Variants in SEMA6D observed in about 807,000 individuals in gnomAD.
SEMA6D encodes the protein semaphorin-6D.
In SEMA6D, 35 loss-of-function variants were observed where a neutral mutation model predicts 106.6. The observed-to-expected ratio is 0.33, with a 90% CI of 0.25 to 0.44. The LOEUF is 0.44. SEMA6D is among the 20% of genes least tolerant of loss of function. The pLI is 1.00. For missense variants in SEMA6D, 1,185 were observed against 1,345.9 expected (o/e 0.88, Z 1.87); for synonymous variants, 499 against 487.7 (o/e 1.02, Z -0.31).
intron 1 of SEMA6D, among the ~76,000 whole-genome samples, chr15:47,406,840 T>C (rs987545276): frequency 6.6e-6 from 1 of 151,908 alleles, no homozygotes; most frequent in Non-Finnish European, 1.5e-5. Context: ...GTTAATTAGC[T>C]TGATTGTGGT....
At chr15:47,683,789 T>C (rs1667032647) in intron 4 of SEMA6D, among the ~76,000 whole-genome samples, 1 of 152,230 alleles carries the variant, frequency 6.6e-6, no homozygotes, top group African/African-American at 2.4e-5. Context: ...AGTCCAGGCA[T>C]TGAGGCCATG....
chr15:47,654,115 G>T (rs565545320), intron 4 of SEMA6D, among the ~76,000 whole-genome samples: 1 of 152,274 alleles, frequency 6.6e-6, no homozygotes, highest in Admixed American at 6.5e-5. Context: ...GAAGAAAGAA[G>T]GGATGATGAT....
At chr15:47,346,998 T>G (rs1467108025) in intron 1 of SEMA6D, among the ~76,000 whole-genome samples, 1 of 152,030 alleles carries the variant, frequency 6.6e-6, no homozygotes, top group Non-Finnish European at 1.5e-5. Context: ...AACTTCCCCC[T>G]CCCGGGTTCA....
intron 3 of SEMA6D, among the ~76,000 whole-genome samples, chr15:47,595,730 A>G (rs1460208715): frequency 6.6e-6 from 1 of 152,096 alleles, no homozygotes; most frequent in Non-Finnish European, 1.5e-5. Context: ...AGAAAATTTT[A>G]TTGTTGATTC....
intron 1 of SEMA6D, among the ~76,000 whole-genome samples, chr15:47,199,570 C>A (rs1409246931): frequency 6.6e-6 from 1 of 152,092 alleles, no homozygotes; most frequent in Non-Finnish European, 1.5e-5. Context: ...TGTGATATTT[C>A]TGCAATTCCT....
intron 3 of SEMA6D, among the ~76,000 whole-genome samples, chr15:47,476,196 G>C (rs1782555877): frequency 6.6e-6 from 1 of 152,162 alleles, no homozygotes; most frequent in Non-Finnish European, 1.5e-5. Flanking sequence ...AGAATGCTGG[G>C]AATTAGTTGA....
chr15:47,348,716 CACCACACA>C (rs1383285589), intron 1 of SEMA6D, among the ~76,000 whole-genome samples: 4 of 43,808 alleles, frequency 9.1e-5, no homozygotes, highest in African/African-American at 3.1e-4. Context: ...CACACACACA[CACCACACA>C]CACAGAGAGA....
At chr15:47,185,150 A>G (rs1272978377) in intron 1 of SEMA6D, among the ~76,000 whole-genome samples, 2 of 152,148 alleles carry the variant, frequency 1.3e-5, no homozygotes, top group African/African-American at 2.4e-5. Flanking sequence ...GCTGAGCGAC[A>G]CAGACACCGC....
chr15:47,286,590 C>T (rs991417469), intron 1 of SEMA6D, among the ~76,000 whole-genome samples: 1 of 151,968 alleles, frequency 6.6e-6, no homozygotes, highest in Non-Finnish European at 1.5e-5. Flanking sequence ...CAGCTAGATT[C>T]TAATATCTTC....
At chr15:47,394,175 A>T (rs1239001053) in intron 1 of SEMA6D, among the ~76,000 whole-genome samples, 1 of 152,178 alleles carries the variant, frequency 6.6e-6, no homozygotes, top group Non-Finnish European at 1.5e-5. Context: ...TTCTTGGTCT[A>T]TCATAGTCCA....
At chr15:47,566,029 A>T (rs2046221017) in intron 3 of SEMA6D, among the ~76,000 whole-genome samples, 1 of 152,230 alleles carries the variant, frequency 6.6e-6, no homozygotes, top group Non-Finnish European at 1.5e-5. Flanking sequence ...ATACAGGGAT[A>T]TAGGCCTTCA....
At chr15:47,271,666 G>A (rs2034568439) in intron 1 of SEMA6D, among the ~76,000 whole-genome samples, 1 of 152,034 alleles carries the variant, frequency 6.6e-6, no homozygotes, top group Non-Finnish European at 1.5e-5. Context: ...GAGAATTGGT[G>A]GCAAAGGTCA....
chr15:47,311,210 C>T (rs1436481253), intron 1 of SEMA6D, among the ~76,000 whole-genome samples: 2 of 152,140 alleles, frequency 1.3e-5, no homozygotes, highest in Admixed American at 6.5e-5. Flanking sequence ...AAGAAGGATG[C>T]ATTATATGCT....
chr15:47,579,140 ATTTTTTTTTT>A (rs34862760), intron 3 of SEMA6D, among the ~76,000 whole-genome samples: 1 of 129,382 alleles, frequency 7.7e-6, no homozygotes, highest in African/African-American at 2.8e-5. Context: ...AGAAATCTGT[ATTTTTTTTTT>A]TTTTTTTTTG....
intron 1 of SEMA6D, among the ~76,000 whole-genome samples, chr15:47,256,341 G>T (rs1397568363): frequency 6.6e-6 from 1 of 152,090 alleles, no homozygotes; most frequent in Non-Finnish European, 1.5e-5. Flanking sequence ...CCATGAATAT[G>T]GTATGCCTTT....
At chr15:47,193,260 G>GAA (rs1298352950) in intron 1 of SEMA6D, among the ~76,000 whole-genome samples, 10 of 152,146 alleles carry the variant, frequency 6.6e-5, no homozygotes, top group Admixed American at 4.6e-4. Context: ...AGGTTGTTAT[G>GAA]AGGATCAAAT....
Position 47,533,104 on chromosome 15 carries a change from G to T in SEMA6D, c.-87+62559G>T, listed in dbSNP as rs148270677. On this transcript the variant is annotated intron_variant, in intron 3 of 19. Transcript: ENST00000558014. ...GCCACCACTGATAATCCGTAGGCTG[G>T]CTGTAATAAAATAGAGAAGTCTTTG... Among the ~76,000 whole-genome samples, 7 of 152,280 alleles carry T rather than the reference G, an allele frequency of 4.6e-5. No individual in the cohort carries two copies. In the South Asian group the frequency reaches 6.2e-4, roughly 14 times the overall value.
intron 2 of SEMA6D, among the ~76,000 whole-genome samples, chr15:47,440,652 T>TA (rs555810971): frequency 1.7e-4 from 25 of 142,918 alleles, no homozygotes; most frequent in South Asian, 4.5e-4. Context: ...AAGATAAAGT[T>TA]AAAAAAAAAA....
chr15:47,475,044 G>T (rs1161176087), intron 3 of SEMA6D, among the ~76,000 whole-genome samples: 2 of 152,154 alleles, frequency 1.3e-5, no homozygotes, highest in Non-Finnish European at 1.5e-5. Flanking sequence ...TAAAATATGA[G>T]CAAGAAATAA....
Sources: gnomAD v4.1 joint callset for allele counts (sites outside exome capture counted in the v4.1 genomes callset) on GRCh38, gnomAD v4.1.1 for gene constraint, MANE v1.5 for transcripts, NCBI Gene and HGNC (gene_info 2026-07-23, HGNC 2026-07-21) for gene names.